The following RAB11FIP4 variants were observed in gnomAD, a reference collection of about 807,000 sequenced individuals.
RAB11FIP4 encodes RAB11 family interacting protein 4.
Under a neutral mutation model 74.3 loss-of-function variants are expected in RAB11FIP4, and 23 were observed. The observed-to-expected ratio is 0.31, with a 90% CI of 0.22 to 0.44. The LOEUF (loss-of-function observed/expected upper bound fraction) is 0.44. Among genes scored for constraint, RAB11FIP4 ranks in the 20% least tolerant of loss-of-function variants. The pLI, the probability that RAB11FIP4 is intolerant of heterozygous loss-of-function variation, is 1.00. For synonymous variants in RAB11FIP4, 360 were observed against 359.9 expected, an observed-to-expected ratio of 1.00 and a Z score of 0.00; for missense variants, 630 against 863.9, an observed-to-expected ratio of 0.73 and a Z score of 3.39.
At chr17:31,439,867 G>A (rs932071484) in intron 3 of RAB11FIP4, among the ~76,000 whole-genome samples, 4 of 152,118 alleles carry the variant, frequency 2.6e-5, no homozygotes, top group African/African-American at 9.7e-5. Flanking sequence ...GAACTCCTGT[G>A]CTCAGGTGAT....
chr17:31,404,081 G>C (rs1261081513), intron 1 of RAB11FIP4, among the ~76,000 whole-genome samples: 3 of 152,360 alleles, frequency 2.0e-5, no homozygotes, highest in African/African-American at 7.2e-5. Context: ...CATGGCCCCA[G>C]GAGGTGCGCA....
chr17:31,399,216 A>G (rs1461368304), intron 1 of RAB11FIP4, among the ~76,000 whole-genome samples: 3 of 152,176 alleles, frequency 2.0e-5, no homozygotes, highest in Non-Finnish European at 4.4e-5. Flanking sequence ...GCTGGCTGAG[A>G]TAGACTCTTA....
intron 3 of RAB11FIP4, among the ~76,000 whole-genome samples, chr17:31,473,496 A>T (rs1156582306): frequency 1.3e-5 from 2 of 152,192 alleles, no homozygotes; most frequent in African/African-American, 4.8e-5. Flanking sequence ...AGCTGAGATC[A>T]CGCCACTGCG....
intron 8 of RAB11FIP4, 129 bp downstream of exon 8, chr17:31,523,740 C>T: frequency 2.8e-6 from 3 of 1,070,968 alleles, no homozygotes; most frequent in Non-Finnish European, 4.3e-6. Flanking sequence ...GCAGGTGGCC[C>T]TGGTCACGTG....
chr17:31,465,683 AGC>A (rs2071678140), intron 3 of RAB11FIP4: 1 of 152,012 alleles, frequency 6.6e-6, no homozygotes, highest in Non-Finnish European at 1.5e-5. Flanking sequence ...ACCTCCTGGG[AGC>A]AGGGGACCAC....
At chr17:31,450,650 T>C (rs2071517734) in intron 3 of RAB11FIP4, among the ~76,000 whole-genome samples, 1 of 152,016 alleles carries the variant, frequency 6.6e-6, no homozygotes, top group Non-Finnish European at 1.5e-5. Flanking sequence ...GTCTCAGGCC[T>C]CGTCCTCACC....
chr17:31,487,759 C>A (rs2071923283), intron 3 of RAB11FIP4, among the ~76,000 whole-genome samples: 1 of 152,070 alleles, frequency 6.6e-6, no homozygotes, highest in Non-Finnish European at 1.5e-5. Flanking sequence ...CTGGCAGGGG[C>A]GCGAGCTCAC....
chr17:31,530,080 G>A (rs1301173832), intron 13 of RAB11FIP4, among the ~76,000 whole-genome samples: 1 of 152,202 alleles, frequency 6.6e-6, no homozygotes, highest in Non-Finnish European at 1.5e-5. Context: ...CGCTGAGCAG[G>A]GCTGTAACTC....
At chr17:31,403,618 G>A (rs531838404) in intron 1 of RAB11FIP4, among the ~76,000 whole-genome samples, 32 of 152,086 alleles carry the variant, frequency 2.1e-4, no homozygotes, top group Non-Finnish European at 4.0e-4. Context: ...CACCGCGCCC[G>A]GCCCTGCCTT....
chr17:31,536,862 TAG>T lies in RAB11FIP4; in HGVS notation c.*5132_*5133del. ...CTAGAAAGATTTGTTTCTAAAAGCG[TAG>T]ACCCTGGGGAAGTATAATGTCACCA... On this transcript the variant is annotated 3_prime_UTR_variant, in exon 15 of 15. Transcript: ENST00000621161. 1 of 397,720 alleles carries T rather than the reference TAG, an allele frequency of 2.5e-6. No homozygotes were observed. The highest frequency in any genetic ancestry group is 4.4e-5 in the Admixed American group (1 of 22,720). The allele number at this position is 397,720 out of a possible 1,614,324, so 24.6% of individuals were successfully genotyped here.
chr17:31,535,049 T>C lies in RAB11FIP4; in HGVS notation c.*3317T>C, dbSNP rs78540656. On this transcript the variant is annotated 3_prime_UTR_variant, in exon 15 of 15. Coordinates refer to ENST00000621161, the MANE Select transcript of RAB11FIP4 (RefSeq NM_032932.6). Reference sequence around the variant, plus strand: ...ATTGGCCAGAGTTTATCCTAGATTATTTTATTTTAAATTGGTAGAATTCTT... The same window carrying C: ...ATTGGCCAGAGTTTATCCTAGATTACTTTATTTTAAATTGGTAGAATTCTT... 0.015 allele frequency: 2,351 copies of C among 152,926 alleles called. 62 individuals are homozygous for C. The highest frequency in any genetic ancestry group is 0.054 in the African/African-American group (2,261 of 41,568). The allele number at this position is 152,926 out of a possible 1,614,324, so 9.5% of individuals were successfully genotyped here. A position where few individuals can be genotyped will look rare whatever the true frequency, so the allele number is the denominator to read the frequency against.
chr17:31,488,187 G>A, intron 3 of RAB11FIP4: 18 of 1,085,998 alleles, frequency 1.7e-5, no homozygotes, highest in Middle Eastern at 4.1e-4. Flanking sequence ...GCGTCCCCGC[G>A]CGCCGCCGAC....
chr17:31,392,063 CGCCCCT>C, intron 1 of RAB11FIP4, 52 bp downstream of exon 1: 1 of 1,130,238 alleles, frequency 8.8e-7, no homozygotes, highest in Non-Finnish European at 1.1e-6. Context: ...CCAGCCCCGC[CGCCCCT>C]CCCCCAGCTC....
intron 1 of RAB11FIP4, among the ~76,000 whole-genome samples, chr17:31,409,710 G>A (rs2071075636): frequency 6.6e-6 from 1 of 152,184 alleles, no homozygotes; most frequent in Non-Finnish European, 1.5e-5. Flanking sequence ...GCAGCCCTCT[G>A]CCTCCAACAC....
At chr17:31,483,989 G>C (rs1207496604) in intron 3 of RAB11FIP4, among the ~76,000 whole-genome samples, 1 of 151,834 alleles carries the variant, frequency 6.6e-6, no homozygotes, top group Admixed American at 6.6e-5. Context: ...TGGGGGGATT[G>C]CTTGAGCCCA....
In RAB11FIP4 at chr17:31,524,932, G is replaced by A. The variant is rs530708678; in HGVS notation, c.1134-158G>A. The A allele has an allele frequency of 2.7e-5, 22 of 817,200 alleles. 1 individual carries two copies. Among genetic ancestry groups the A allele is most frequent in the South Asian group, 2.2e-4 (13 of 59,022 alleles). The allele number at this position is 817,200 out of a possible 1,614,324, so 50.6% of individuals were successfully genotyped here. On this transcript the variant is annotated intron_variant, in intron 9 of 14. Transcript: ENST00000621161. ...TGACCGACACCCCCTCTATATGTGC[G>A]GTGTCCCCGTTCATCTCTCTGAAAG...
intron 3 of RAB11FIP4, among the ~76,000 whole-genome samples, chr17:31,487,071 C>T (rs771831741): frequency 2.0e-4 from 30 of 152,188 alleles, no homozygotes; most frequent in Non-Finnish European, 1.8e-4. Flanking sequence ...GTGCCGTTGC[C>T]ACTTTGTTGG....
intron 2 of RAB11FIP4, among the ~76,000 whole-genome samples, chr17:31,432,521 G>A (rs914323317): frequency 6.6e-6 from 1 of 152,012 alleles, no homozygotes; most frequent in African/African-American, 2.4e-5. Flanking sequence ...CACCATGCCT[G>A]GCTAATTTTT....
chr17:31,436,790 G>GT (rs1320546503), intron 3 of RAB11FIP4, among the ~76,000 whole-genome samples: 2,647 of 134,622 alleles, frequency 0.02, 86 homozygotes, highest in African/African-American at 0.066. Flanking sequence ...TGTTTTTTTT[G>GT]TTTTTTTTGT....
Sources: gnomAD v4.1 joint callset for allele counts (sites outside exome capture counted in the v4.1 genomes callset) on GRCh38, gnomAD v4.1.1 for gene constraint, MANE v1.5 for transcripts, NCBI Gene and HGNC (gene_info 2026-07-23, HGNC 2026-07-21) for gene names.